TRPM2: variants seen among roughly 807,000 people sequenced by gnomAD.
TRPM2 encodes transient receptor potential cation channel subfamily M member 2.
A neutral mutation model predicts 174.0 loss-of-function variants in TRPM2; 161 were observed. That is an observed-to-expected ratio of 0.93 (90% confidence interval 0.81 to 1.05). The LOEUF is 1.05. TRPM2 is among the 50% of genes least tolerant of loss of function. The pLI is 0.00. For missense variants in TRPM2, 2,057 were observed against 2,038.0 expected, an observed-to-expected ratio of 1.01 and a Z score of -0.18; for synonymous variants, 954 against 861.3, an observed-to-expected ratio of 1.11 and a Z score of -1.88.
intron 20 of TRPM2, chr21:44,416,216 T>C (rs188049749): frequency 7.9e-5 from 12 of 152,378 alleles, no homozygotes; most frequent in African/African-American, 2.9e-4. Flanking sequence ...CTGAAAATCC[T>C]TGTGTTCCTG....
rs368180287 is a variant in TRPM2 at position 44,439,174 on chromosome 21, C to A, written c.4269+6C>A. The A allele has an allele frequency of 1.7e-5, 28 of 1,612,282 alleles. No homozygotes were observed. Among genetic ancestry groups the A allele is most frequent in the Admixed American group, 8.3e-5 (5 of 59,984 alleles). Reference sequence around the variant, plus strand: ...TGCTGAAGTGCGGCATGGAGGTATTCCTGGCCTGTTTGCTCTGTTCCACCT... The same window carrying A: ...TGCTGAAGTGCGGCATGGAGGTATTACTGGCCTGTTTGCTCTGTTCCACCT... On this transcript the variant is annotated splice_donor_region_variant and intron_variant, in intron 30 of 31. Coordinates refer to ENST00000397928, the MANE Select transcript of TRPM2 (RefSeq NM_003307.4). The surrounding 1 kb of genome is among the most constrained non-coding windows in gnomAD (Gnocchi z 5.1).
At position 44,391,550 on chromosome 21, in the gene TRPM2, G is replaced by T. The variant is rs777128031; in HGVS notation, c.1719G>T (p.Thr573=). ...TGCGGGAGCTGCTGGGGGACTTCACGCAGCCGCTTTATCCCCGGCCCCGGC... is the reference window on the plus strand; with the variant it reads ...TGCGGGAGCTGCTGGGGGACTTCACTCAGCCGCTTTATCCCCGGCCCCGGC... ...QVLRELLGDF[T]QPLYPRPRHN... The change falls in exon 11 of 32, where the codon ACG becomes ACT. Residue 573 remains threonine (T), a synonymous_variant. Coordinates refer to ENST00000397928, the MANE Select transcript of TRPM2 (RefSeq NM_003307.4). The surrounding 1 kb of genome is among the most constrained non-coding windows in gnomAD (Gnocchi z 5.0). The T allele has an allele frequency of 5.0e-6, 8 of 1,600,032 alleles. No homozygotes were observed. The highest frequency in any genetic ancestry group is 4.4e-5 in the South Asian group (4 of 90,900).
intron 16 of TRPM2, among the ~76,000 whole-genome samples, chr21:44,404,695 A>C (rs561218865): frequency 1.3e-5 from 2 of 152,208 alleles, no homozygotes; most frequent in African/African-American, 4.8e-5. Context: ...TGTGATGATG[A>C]TAGTGGATAG....
At chr21:44,379,751 A>T (rs1340880738) in intron 8 of TRPM2, among the ~76,000 whole-genome samples, 1 of 152,150 alleles carries the variant, frequency 6.6e-6, no homozygotes, top group African/African-American at 2.4e-5. Context: ...CACCCCACCA[A>T]GCCCTTGACC....
At chr21:44,350,620 C>T (rs1471875292), upstream of TRPM2, among the ~76,000 whole-genome samples, 2 of 85,930 alleles carry the variant, frequency 2.3e-5, no homozygotes, top group African/African-American at 1.1e-4. Context: ...GTGCAGGGCG[C>T]GGTGGGGTGC....
chr21:44,371,612 G>A (rs2048545036), intron 5 of TRPM2, among the ~76,000 whole-genome samples: 1 of 152,214 alleles, frequency 6.6e-6, no homozygotes, highest in Non-Finnish European at 1.5e-5. Context: ...GAACACTCGT[G>A]ATGGCGTGTA....
chr21:44,397,864 C>A lies in TRPM2; in HGVS notation c.2050C>A (p.His684Asn). The stretch of plus-strand genomic sequence containing the variant: ...GCTGGCGCTGGCGGAGGAGTATGAG[C>A]ACAGAGCCATCGGTGAGCTCTGCCG... ...EMLALAEEYE[H>N]RAIGVFTECY... The change falls in exon 13 of 32, where the codon CAC becomes AAC. Residue 684 changes from histidine to asparagine, a missense_variant. Coordinates refer to ENST00000397928, the MANE Select transcript of TRPM2 (RefSeq NM_003307.4). The A allele has an allele frequency of 6.2e-7, 1 of 1,604,266 alleles. No homozygotes were observed. The highest frequency in any genetic ancestry group is 8.5e-7 in the Non-Finnish European group (1 of 1,175,468).
chr21:44,379,644 T>C (rs1481088181), intron 8 of TRPM2, among the ~76,000 whole-genome samples: 1 of 152,188 alleles, frequency 6.6e-6, no homozygotes, highest in Non-Finnish European at 1.5e-5. Flanking sequence ...GGAGGGGCCA[T>C]TGCCCCAGTC....
chr21:44,361,764 G>A (rs941613548), intron 2 of TRPM2, among the ~76,000 whole-genome samples: 1 of 152,058 alleles, frequency 6.6e-6, no homozygotes, highest in African/African-American at 2.4e-5. Flanking sequence ...CTGGAGTACA[G>A]TGGCACGATC....
rs1352804195 is a variant in TRPM2 at position 44,366,511 on chromosome 21, G to T, written c.424-243G>T. 1.3e-5 allele frequency among the ~76,000 whole-genome samples: 2 copies of T among 152,162 alleles called. No individual in the cohort carries two copies. The highest frequency in any genetic ancestry group is 2.9e-5 in the Non-Finnish European group (2 of 68,022). On this transcript the variant is annotated intron_variant, in intron 3 of 31. Transcript: ENST00000397928. This position sits in a 1 kb window ranked among gnomAD's most constrained non-coding sequence, Gnocchi z 6.0. Reference sequence around the variant, plus strand: ...CCGTGGGGGCACGAGGGCTGGGGGAGGTTTGCTGAGGGCGATCCTGGTCCC... The same window carrying T: ...CCGTGGGGGCACGAGGGCTGGGGGATGTTTGCTGAGGGCGATCCTGGTCCC...
chr21:44,351,005 C>T (rs1299593432), upstream of TRPM2, among the ~76,000 whole-genome samples: 1 of 152,088 alleles, frequency 6.6e-6, no homozygotes, highest in Non-Finnish European at 1.5e-5. Context: ...CAGAAGATGC[C>T]CGAGCAACCT....
chr21:44,401,496 C>T (rs1327744726), intron 15 of TRPM2, among the ~76,000 whole-genome samples, 185 bp from the exon 16 acceptor site: 1 of 152,182 alleles, frequency 6.6e-6, no homozygotes, highest in Non-Finnish European at 1.5e-5. Flanking sequence ...GTGTGTGAGG[C>T]TCCCAGGCTG....
At chr21:44,350,300 G>C (rs1369391467), upstream of TRPM2, 2 of 150,884 alleles carry the variant, frequency 1.3e-5, no homozygotes, top group Admixed American at 6.6e-5. Context: ...GGGCCGGGGC[G>C]AGGGCGCGAG....
intron 2 of TRPM2, 78 bp from the exon 3 acceptor site, chr21:44,364,036 C>G: frequency 6.8e-7 from 1 of 1,474,608 alleles, no homozygotes; most frequent in Non-Finnish European, 9.1e-7. Context: ...CGGCTTTCCA[C>G]TGGGCCTCCT....
Position 44,432,417 on chromosome 21 carries a change from T to C in TRPM2, c.3975-2714T>C, listed in dbSNP as rs1287621455. ...GTACTGGGTTTAGGGCCAACCCTAT[T>C]CCAGTGTAGCTTCATCTTAACTAAT... On this transcript the variant is annotated intron_variant, in intron 27 of 31. Coordinates refer to ENST00000397928, the MANE Select transcript of TRPM2 (RefSeq NM_003307.4). This position sits in a 1 kb window ranked among gnomAD's most constrained non-coding sequence, Gnocchi z 4.9. 1.3e-5 allele frequency among the ~76,000 whole-genome samples: 2 copies of C among 152,210 alleles called. No homozygotes were observed. The highest frequency in any genetic ancestry group is 4.8e-5 in the African/African-American group (2 of 41,432).
chr21:44,386,478 A>G (rs531085255), intron 9 of TRPM2, among the ~76,000 whole-genome samples: 27 of 152,312 alleles, frequency 1.8e-4, no homozygotes, highest in African/African-American at 6.3e-4. Context: ...AATTGTGAAA[A>G]CAATTCTATT....
chr21:44,369,305 G>A lies in TRPM2; in HGVS notation c.733G>A (p.Gly245Ser), dbSNP rs762836395. Residue 245 changes from glycine to serine, a missense_variant, in exon 5 of 32, where the codon GGC becomes AGC. By Grantham distance (56) the Gly-to-Ser change is moderately conservative. Coordinates refer to ENST00000397928, the MANE Select transcript of TRPM2 (RefSeq NM_003307.4). ...CATCACCATCGGAGTCGCCACCTGG[G>A]GCACTGTCCACCGCCGCGAGGGCCT... ...ELITIGVATW[G>S]TVHRREGLIH... 11 of 1,613,622 alleles carry A rather than the reference G, an allele frequency of 6.8e-6. No homozygotes were observed. The highest frequency in any genetic ancestry group is 8.5e-6 in the Non-Finnish European group (10 of 1,179,836).
At chr21:44,355,190 G>A (rs45544331) in intron 2 of TRPM2, among the ~76,000 whole-genome samples, 2,963 of 151,678 alleles carry the variant, frequency 0.02, 100 homozygotes, top group African/African-American at 0.068. Context: ...TTGCCCCCAG[G>A]CCCCACAGAG....
chr21:44,371,378 C>T (rs1219467738), intron 5 of TRPM2, among the ~76,000 whole-genome samples: 4 of 70,526 alleles, frequency 5.7e-5, no homozygotes, highest in Non-Finnish European at 8.2e-5. Flanking sequence ...GTCCCGTGGC[C>T]GCCTCCCTCC....
Sources: allele counts gnomAD v4.1 joint callset (sites outside exome capture counted in the v4.1 genomes callset), GRCh38; gene constraint gnomAD v4.1.1; non-coding constraint Gnocchi (gnomAD v3.1); transcripts MANE v1.5; gene names NCBI Gene and HGNC (gene_info 2026-07-23, HGNC 2026-07-21).